RPH3A: variants seen among roughly 807,000 people sequenced by gnomAD.
RPH3A encodes rabphilin-3A.
A neutral mutation model predicts 102.2 loss-of-function variants in RPH3A; 48 were observed. That is an observed-to-expected ratio of 0.47 (90% CI 0.37 to 0.60). The LOEUF (loss-of-function observed/expected upper bound fraction) is 0.60, where lower values mean the gene tolerates loss of function less well. Among genes scored for constraint, RPH3A ranks in the 20% least tolerant of loss-of-function variants. The probability of loss-of-function intolerance (pLI) is 0.00; values close to 1 mark genes in which losing one functional copy is unlikely to be tolerated. For synonymous variants in RPH3A, 310 were observed against 324.3 expected (o/e 0.96, Z 0.47); for missense variants, 781 against 910.1 (o/e 0.86, Z 1.83).
intron 1 of RPH3A, among the ~76,000 whole-genome samples, chr12:112,744,604 T>C (rs1565867734): frequency 6.6e-6 from 1 of 152,280 alleles, no homozygotes; most frequent in Non-Finnish European, 1.5e-5. Flanking sequence ...CCAGAGACTA[T>C]TCTCAGGCCT....
chr12:112,609,578 C>A lies in RPH3A; in HGVS notation c.-140+34259C>A, dbSNP rs57861147. On this transcript the variant is annotated intron_variant, in intron 1 of 21. Transcript: ENST00000543106. Reference sequence around the variant, plus strand: ...CTGCACTAGGTGCTCCTTCTTGGTGCTCTCACATCTCTGTGCTTCCCCTCC... The same window carrying A: ...CTGCACTAGGTGCTCCTTCTTGGTGATCTCACATCTCTGTGCTTCCCCTCC... Among the ~76,000 whole-genome samples, 1,063 of 152,306 alleles carry A rather than the reference C, an allele frequency of 7.0e-3. 17 individuals carry two copies. Among genetic ancestry groups the A allele is most frequent in the African/African-American group, 0.025 (1,031 of 41,554 alleles).
chr12:112,723,633 T>C (rs4766997), intron 1 of RPH3A, among the ~76,000 whole-genome samples: 61,948 of 152,044 alleles, frequency 0.41, 13,655 homozygotes, highest in South Asian at 0.56. Flanking sequence ...GCACCAAACA[T>C]GATGAAAAAT....
upstream of RPH3A, among the ~76,000 whole-genome samples, chr12:112,788,401 C>CT (rs2041065335): frequency 6.6e-6 from 1 of 152,122 alleles, no homozygotes; most frequent in African/African-American, 2.4e-5. Context: ...CCACAGGGGC[C>CT]TCTAGGGGGC....
chr12:112,714,841 A>G (rs2040503461), intron 1 of RPH3A, among the ~76,000 whole-genome samples: 1 of 152,206 alleles, frequency 6.6e-6, no homozygotes, highest in African/African-American at 2.4e-5. Context: ...TGCATGCTGC[A>G]TATCAACCAT....
chr12:112,828,659 T>C (rs2041920645), intron 3 of RPH3A, among the ~76,000 whole-genome samples: 1 of 152,184 alleles, frequency 6.6e-6, no homozygotes. Flanking sequence ...CAGACTTGGG[T>C]TCTAGTTCTG....
intron 1 of RPH3A, among the ~76,000 whole-genome samples, chr12:112,600,821 T>C (rs1476416114): frequency 6.6e-6 from 1 of 152,172 alleles, no homozygotes. Flanking sequence ...ATGCTGCTAA[T>C]AAAGACATAC....
chr12:112,833,987 C>T (rs2042011561), intron 3 of RPH3A, among the ~76,000 whole-genome samples: 1 of 152,118 alleles, frequency 6.6e-6, no homozygotes, highest in Admixed American at 6.5e-5. Context: ...CCTGGCCTCC[C>T]AAAATGCTGG....
intron 8 of RPH3A, 162 bp from the exon 9 acceptor site, chr12:112,869,597 A>T: frequency 1.5e-6 from 1 of 680,232 alleles, no homozygotes; most frequent in East Asian, 2.7e-5. Context: ...GTGAAATTGT[A>T]AACAGGAGCT....
At chr12:112,738,952 G>A (rs758897999) in intron 1 of RPH3A, among the ~76,000 whole-genome samples, 2 of 152,050 alleles carry the variant, frequency 1.3e-5, no homozygotes, top group Middle Eastern at 3.2e-3. Flanking sequence ...AAGTAGGGTC[G>A]CAGTATGAGG....
intron 2 of RPH3A, among the ~76,000 whole-genome samples, chr12:112,796,081 TCA>T (rs148403361): frequency 0.049 from 7,512 of 152,168 alleles, 269 homozygotes; most frequent in Non-Finnish European, 0.077. Context: ...TCCCCATAAC[TCA>T]GTTTCTTCAT....
At chr12:112,821,535 T>C (rs902107289) in intron 2 of RPH3A, among the ~76,000 whole-genome samples, 2 of 152,170 alleles carry the variant, frequency 1.3e-5, no homozygotes, top group African/African-American at 2.4e-5. Flanking sequence ...ATTTACTTTT[T>C]CCTCTGCCTG....
intron 1 of RPH3A, among the ~76,000 whole-genome samples, chr12:112,590,608 C>T (rs1431160593): frequency 6.6e-6 from 1 of 152,196 alleles, no homozygotes; most frequent in Admixed American, 6.5e-5. Flanking sequence ...AGAGATGAAA[C>T]AGAGCACCTT....
chr12:112,670,016 T>G (rs1228958574), intron 1 of RPH3A, among the ~76,000 whole-genome samples: 1 of 152,244 alleles, frequency 6.6e-6, no homozygotes, highest in African/African-American at 2.4e-5. Flanking sequence ...TGATATATAT[T>G]TTTCAGTACA....
At chr12:112,716,630 C>T (rs1339409709) in intron 1 of RPH3A, among the ~76,000 whole-genome samples, 1 of 152,156 alleles carries the variant, frequency 6.6e-6, no homozygotes, top group Non-Finnish European at 1.5e-5. Context: ...CTCACTTTCA[C>T]CCGTGTCTCA....
chr12:112,746,448 T>A (rs2136057570), intron 1 of RPH3A, among the ~76,000 whole-genome samples: 1 of 151,992 alleles, frequency 6.6e-6, no homozygotes, highest in Non-Finnish European at 1.5e-5. Context: ...CCTCCATCAC[T>A]CAACCCAAGC....
chr12:112,847,638 C>A, intron 4 of RPH3A, 58 bp from the exon 5 acceptor site: 1 of 1,566,496 alleles, frequency 6.4e-7, no homozygotes, highest in Non-Finnish European at 8.7e-7. Context: ...AGTTTCCCGG[C>A]AGGAATTTGA....
intron 1 of RPH3A, among the ~76,000 whole-genome samples, chr12:112,635,249 G>A (rs1028356786): frequency 7.9e-5 from 12 of 152,198 alleles, no homozygotes; most frequent in Non-Finnish European, 1.8e-4. Flanking sequence ...AACAGGGTTT[G>A]GATTGGCCTA....
chr12:112,772,153 C>T (rs80245105), intron 1 of RPH3A, among the ~76,000 whole-genome samples: 115 of 152,254 alleles, frequency 7.6e-4, no homozygotes, highest in East Asian at 2.7e-3. Context: ...CCTTATGCCC[C>T]GGGTTTTATC....
intron 1 of RPH3A, among the ~76,000 whole-genome samples, chr12:112,697,928 G>C (rs1412997138): frequency 1.3e-5 from 2 of 151,806 alleles, no homozygotes; most frequent in Non-Finnish European, 2.9e-5. Flanking sequence ...AATTCTAAAA[G>C]TTATATGGAA....
Sources: gnomAD v4.1 joint callset for allele counts (sites outside exome capture counted in the v4.1 genomes callset) on GRCh38, gnomAD v4.1.1 for gene constraint, MANE v1.5 for transcripts, NCBI Gene and HGNC (gene_info 2026-07-23, HGNC 2026-07-21) for gene names.